Variants in TAS2R1 observed in about 807,000 individuals in gnomAD.
TAS2R1 encodes the protein taste 2 receptor member 1, also known as taste receptor type 2 member 1.
For missense variants in TAS2R1, 370 were observed against 353.4 expected (o/e 1.05, Z -0.38); for synonymous variants, 141 against 134.2 (o/e 1.05, Z -0.35).
At chr5:9,646,808 C>A (rs1420533761) in intron 2 of TAS2R1, among the ~76,000 whole-genome samples, 1 of 152,072 alleles carries the variant, frequency 6.6e-6, no homozygotes, top group Non-Finnish European at 1.5e-5. Flanking sequence ...TTTGGGGAAA[C>A]TGAAGCTATC....
At chr5:9,835,426 C>A in the TAS2R1 span, among the ~76,000 whole-genome samples, 1 of 152,208 alleles carries the variant, frequency 6.6e-6, no homozygotes, top group African/African-American at 2.4e-5. Context: ...GCACTTCACA[C>A]CATCCACATT....
intron 2 of TAS2R1, among the ~76,000 whole-genome samples, chr5:9,635,983 G>A (rs574404779): frequency 6.6e-6 from 1 of 151,550 alleles, no homozygotes; most frequent in African/African-American, 2.4e-5. Flanking sequence ...CCAGGTTTGG[G>A]GTTTGTTTGT....
At chr5:9,857,639 G>C in the TAS2R1 span, among the ~76,000 whole-genome samples, 1 of 152,190 alleles carries the variant, frequency 6.6e-6, no homozygotes, top group Non-Finnish European at 1.5e-5. Context: ...CAGGAAGTTT[G>C]TATATCTCCA....
At chr5:9,719,729 C>CCATCCTGGCTAA in the TAS2R1 span, among the ~76,000 whole-genome samples, 3 of 151,476 alleles carry the variant, frequency 2.0e-5, no homozygotes, top group African/African-American at 4.8e-5. Context: ...GAAATCGAGA[C>CCATCCTGGCTAA]CACGGTGAAA....
chr5:9,752,756 T>A, the TAS2R1 span, among the ~76,000 whole-genome samples: 1 of 150,832 alleles, frequency 6.6e-6, no homozygotes, highest in East Asian at 2.0e-4. Flanking sequence ...TGGCCACGTG[T>A]TCTCATTGCT....
At chr5:9,728,089 T>C in the TAS2R1 span, among the ~76,000 whole-genome samples, 1 of 151,920 alleles carries the variant, frequency 6.6e-6, no homozygotes, top group African/African-American at 2.4e-5. Context: ...CAAGCCCCTG[T>C]CTCCTCCCCC....
chr5:9,877,869 AACAGAAT>A, the TAS2R1 span, among the ~76,000 whole-genome samples: 1 of 152,136 alleles, frequency 6.6e-6, no homozygotes, highest in African/African-American at 2.4e-5. Flanking sequence ...TCCTTTCACA[AACAGAAT>A]ATCAAGCTTT....
chr5:9,695,434 G>A (rs1259697646), intron 1 of TAS2R1, among the ~76,000 whole-genome samples: 16 of 152,138 alleles, frequency 1.1e-4, no homozygotes, highest in Admixed American at 1.0e-3. Flanking sequence ...ACTGGGTTGA[G>A]ATAAATTTAG....
chr5:9,640,520 A>AAAAC (rs1263141723), intron 2 of TAS2R1, among the ~76,000 whole-genome samples: 2 of 151,012 alleles, frequency 1.3e-5, no homozygotes, highest in African/African-American at 4.9e-5. Flanking sequence ...AAAAAAAAAA[A>AAAAC]AACAGTACCT....
At chr5:9,814,616 T>C in the TAS2R1 span, among the ~76,000 whole-genome samples, 1 of 152,212 alleles carries the variant, frequency 6.6e-6, no homozygotes, top group South Asian at 2.1e-4. Context: ...TATTCTAGAA[T>C]GAAGGGCAAT....
chr5:9,720,095 T>A, the TAS2R1 span, among the ~76,000 whole-genome samples: 4 of 152,140 alleles, frequency 2.6e-5, no homozygotes, highest in Non-Finnish European at 5.9e-5. Flanking sequence ...TACTCAACAT[T>A]TCCCTAAGAA....
At chr5:9,702,736 A>C (rs1442747980) in intron 1 of TAS2R1, among the ~76,000 whole-genome samples, 1 of 152,174 alleles carries the variant, frequency 6.6e-6, no homozygotes, top group Non-Finnish European at 1.5e-5. Flanking sequence ...ACCAGAAGAC[A>C]TAAGGGCAGA....
the TAS2R1 span, among the ~76,000 whole-genome samples, chr5:9,818,597 C>G: frequency 6.6e-6 from 1 of 152,332 alleles, no homozygotes; most frequent in Admixed American, 6.5e-5. Flanking sequence ...CCTCTTCATA[C>G]AGCAGGCAAA....
chr5:9,789,829 C>T, the TAS2R1 span, among the ~76,000 whole-genome samples: 2 of 152,196 alleles, frequency 1.3e-5, no homozygotes, highest in Non-Finnish European at 2.9e-5. Flanking sequence ...ATCCAAATCC[C>T]AGGGATTTAC....
At chr5:9,857,121 T>C in the TAS2R1 span, among the ~76,000 whole-genome samples, 1 of 152,118 alleles carries the variant, frequency 6.6e-6, no homozygotes, top group Admixed American at 6.6e-5. Flanking sequence ...TAGAGTAGAA[T>C]TGTGGTAACC....
chr5:9,767,552 G>A, the TAS2R1 span, among the ~76,000 whole-genome samples: 1 of 152,194 alleles, frequency 6.6e-6, no homozygotes, highest in Non-Finnish European at 1.5e-5. Flanking sequence ...AGCAAGCACT[G>A]CCTCACTGGG....
At chr5:9,825,337 G>A in the TAS2R1 span, among the ~76,000 whole-genome samples, 1 of 152,168 alleles carries the variant, frequency 6.6e-6, no homozygotes, top group African/African-American at 2.4e-5. Flanking sequence ...GGAAGAGAGA[G>A]CTTGTGCAGG....
At chr5:9,811,713 C>A in the TAS2R1 span, among the ~76,000 whole-genome samples, 1 of 152,170 alleles carries the variant, frequency 6.6e-6, no homozygotes, top group Non-Finnish European at 1.5e-5. Context: ...CAAATTGATA[C>A]ATTCAGGCCA....
the TAS2R1 span, among the ~76,000 whole-genome samples, chr5:9,806,729 A>G: frequency 6.6e-6 from 1 of 152,154 alleles, no homozygotes; most frequent in African/African-American, 2.4e-5. Flanking sequence ...CTCATTTCTC[A>G]TCTTATACAA....
Sources: allele counts gnomAD v4.1 joint callset (sites outside exome capture counted in the v4.1 genomes callset), GRCh38; gene constraint gnomAD v4.1.1; transcripts MANE v1.5; gene names NCBI Gene and HGNC (gene_info 2026-07-23, HGNC 2026-07-21).